The following FHAD1 variants were observed in gnomAD, a reference collection of about 807,000 sequenced individuals.
The protein encoded by FHAD1 is forkhead-associated domain-containing protein 1.
A neutral mutation model predicts 191.3 loss-of-function variants in FHAD1; 146 were observed. The observed-to-expected ratio is 0.76, with a 90% CI of 0.67 to 0.88. The LOEUF (loss-of-function observed/expected upper bound fraction) is 0.88, where lower values mean the gene tolerates loss of function less well. FHAD1 is among the 40% of genes least tolerant of loss of function. FHAD1 has a pLI of 0.00. For synonymous variants in FHAD1, 616 were observed against 672.3 expected (o/e 0.92, Z 1.29); for missense variants, 1,635 against 1,785.8 (o/e 0.92, Z 1.52).
At chr1:15,251,708 ATGT>A in intron 1 of FHAD1, 60 bp from the exon 2 acceptor site, 2 of 1,235,372 alleles carry the variant, frequency 1.6e-6, no homozygotes, top group South Asian at 1.4e-5. Flanking sequence ...TTTAAGTATG[ATGT>A]TGTTGAATAA....
At chr1:15,248,517 A>C (rs182407219) in intron 1 of FHAD1, among the ~76,000 whole-genome samples, 18 of 150,490 alleles carry the variant, frequency 1.2e-4, no homozygotes, top group African/African-American at 3.7e-4. Flanking sequence ...AGCTCAGGAA[A>C]CTCCAGTCTT....
Position 15,345,594 on chromosome 1 carries a change from G to A in FHAD1, c.2346+71G>A, listed in dbSNP as rs999711323. 45 of 1,198,778 alleles carry A rather than the reference G, an allele frequency of 3.8e-5. No homozygotes were observed. In the African/African-American group the frequency reaches 5.6e-4, roughly 15 times the overall value. 74.3% of individuals were successfully genotyped at this position (1,198,778 alleles called of 1,614,324 possible). ...GGCCATGTGGAAGGAAGTTCAGAGC[G>A]GCGATGATGGGGGTGAGATCGTGGT... On this transcript the variant is annotated intron_variant, in intron 18 of 33. Transcript: ENST00000688493.
intron 2 of FHAD1, among the ~76,000 whole-genome samples, chr1:15,262,091 A>G (rs1293101180): frequency 1.3e-5 from 2 of 152,142 alleles, no homozygotes; most frequent in South Asian, 2.1e-4. Flanking sequence ...GCCAAATAGT[A>G]TCTTTTGTCA....
At chr1:15,322,498 T>C (rs906463285) in intron 10 of FHAD1, among the ~76,000 whole-genome samples, 7 of 152,212 alleles carry the variant, frequency 4.6e-5, no homozygotes, top group Non-Finnish European at 5.9e-5. Context: ...AAAGCCAAGA[T>C]TGGGGGAAGC....
At chr1:15,361,430 T>C (rs1694774806) in intron 22 of FHAD1, among the ~76,000 whole-genome samples, 1 of 151,824 alleles carries the variant, frequency 6.6e-6, no homozygotes, top group Non-Finnish European at 1.5e-5. Flanking sequence ...TAGAGGCAAA[T>C]TCACTCCTGC....
intron 3 of FHAD1, 78 bp downstream of exon 3, chr1:15,272,607 G>A (rs1208922122): frequency 7.5e-7 from 1 of 1,328,326 alleles, no homozygotes; most frequent in Non-Finnish European, 1.0e-6. Flanking sequence ...CTGCAGGGTG[G>A]CGCTTATCCA....
At chr1:15,293,577 G>C (rs963245213) in intron 4 of FHAD1, among the ~76,000 whole-genome samples, 21 of 152,262 alleles carry the variant, frequency 1.4e-4, no homozygotes, top group Middle Eastern at 3.4e-3. Context: ...AATTAGCTGG[G>C]TGTGGTGGCA....
chr1:15,402,927 C>T (rs1707157736), downstream of FHAD1: 1 of 152,192 alleles, frequency 6.6e-6, no homozygotes, highest in Non-Finnish European at 1.5e-5. Context: ...TGTCTTATCA[C>T]CACCACTCAA....
chr1:15,360,136 A>C (rs1445439438), intron 21 of FHAD1, among the ~76,000 whole-genome samples: 1 of 152,064 alleles, frequency 6.6e-6, no homozygotes, highest in Non-Finnish European at 1.5e-5. Flanking sequence ...ACAACAACAA[A>C]AAGTTTACAT....
At chr1:15,299,840 A>G (rs1268387447) in intron 5 of FHAD1, among the ~76,000 whole-genome samples, 1 of 152,246 alleles carries the variant, frequency 6.6e-6, no homozygotes, top group Non-Finnish European at 1.5e-5. Context: ...GGGCTGCCCC[A>G]GAGCATGGAC....
chr1:15,348,338 C>G (rs1437544711), intron 18 of FHAD1, among the ~76,000 whole-genome samples: 1 of 152,184 alleles, frequency 6.6e-6, no homozygotes, highest in Non-Finnish European at 1.5e-5. Flanking sequence ...GAAAGACAAG[C>G]CGTTAGAAAA....
Position 15,289,310 on chromosome 1 carries a change from C to A in FHAD1, c.301-89C>A. The stretch of plus-strand genomic sequence containing the variant: ...ACCGGAAGTGACTCATAAACCAAGA[C>A]CTTGGGCAGCAATGCTGTGGCTGGG... On this transcript the variant is annotated intron_variant, in intron 3 of 33. Transcript: ENST00000688493. The surrounding 1 kb of genome is among the most constrained non-coding windows in gnomAD (Gnocchi z 4.2). The A allele has an allele frequency of 6.8e-7, 1 of 1,477,978 alleles. No individual in the cohort carries two copies. Among genetic ancestry groups the A allele is most frequent in the Non-Finnish European group, 9.0e-7 (1 of 1,105,360 alleles). 91.6% of individuals were successfully genotyped at this position (1,477,978 alleles called of 1,614,324 possible).
In FHAD1 at chr1:15,312,930, A is replaced by G. The variant is rs138770176; in HGVS notation, c.1040-127A>G. ...GTGGATATTGGTCTCAACCCCATTC[A>G]AGCTCCTGGGATCCTTGGAGACACC... On this transcript the variant is annotated intron_variant, in intron 7 of 33. Coordinates refer to ENST00000688493, the MANE Select transcript of FHAD1 (RefSeq NM_001391957.1). This position sits in a 1 kb window ranked among gnomAD's most constrained non-coding sequence, Gnocchi z 4.7. 4.0e-5 allele frequency: 48 copies of G among 1,194,068 alleles called. 1 individual carries two copies. The East Asian group carries it at 1.1e-3, about 28-fold the overall frequency. The allele number at this position is 1,194,068 out of a possible 1,614,324, so 74.0% of individuals were successfully genotyped here.
rs902383666 is a variant in FHAD1 at position 15,324,548 on chromosome 1, G to A, written c.1462G>A (p.Ala488Thr). ...ESVIKINLER[A>T]VGQLEHFRSQ... ...CGTCATTAAAATCAATTTGGAGAGG[G>A]CAGTAGGTCAGGTAGGCATGTTCCA... is the stretch of plus-strand genomic sequence containing the variant. The change falls in exon 11 of 34, where the codon GCA becomes ACA. Residue 488 changes from alanine (A) to threonine (T), a missense_variant. Coordinates refer to ENST00000688493, the MANE Select transcript of FHAD1 (RefSeq NM_001391957.1). The A allele has an allele frequency of 1.9e-6, 3 of 1,550,958 alleles. No individual in the cohort carries two copies. Among genetic ancestry groups the A allele is most frequent in the African/African-American group, 2.7e-5 (2 of 72,974 alleles).
At chr1:15,313,837 G>A (rs1235984946) in intron 8 of FHAD1, among the ~76,000 whole-genome samples, 2 of 152,084 alleles carry the variant, frequency 1.3e-5, no homozygotes, top group African/African-American at 4.8e-5. Context: ...TTGGGAGGCC[G>A]AGGCTGGTGG....
At chr1:15,240,478 T>C (rs942652064) in intron 1 of FHAD1, among the ~76,000 whole-genome samples, 2 of 150,732 alleles carry the variant, frequency 1.3e-5, no homozygotes, top group African/African-American at 4.9e-5. Flanking sequence ...AAAATAAAAA[T>C]TAAAAAAATA....
intron 3 of FHAD1, among the ~76,000 whole-genome samples, chr1:15,278,867 T>C (rs931677093): frequency 6.6e-6 from 1 of 152,326 alleles, no homozygotes; most frequent in East Asian, 1.9e-4. Flanking sequence ...CTGATAAATA[T>C]GCTTGACATT....
rs187394493 is a variant in FHAD1, at chr1:15,304,751, G to A, written c.915+3310G>A. On this transcript the variant is annotated intron_variant, in intron 6 of 33. Transcript: ENST00000688493. ...AGCCCATGTCCCTCCATCTTCTAGT[G>A]AGCACCCCTTCTCCAGTGTCTCAGA... 1.7e-3 allele frequency among the ~76,000 whole-genome samples: 260 copies of A among 152,252 alleles called. 1 individual carries two copies. The highest frequency in any genetic ancestry group is 5.9e-3 in the African/African-American group (245 of 41,552).
At position 15,345,558 on chromosome 1, in the gene FHAD1, G is replaced by C. The variant is rs1389579728; in HGVS notation, c.2346+35G>C. 2.0e-6 allele frequency: 3 copies of C among 1,503,092 alleles called. No homozygotes were observed. In the African/African-American group the frequency reaches 4.2e-5, roughly 21 times the overall value. The allele number at this position is 1,503,092 out of a possible 1,614,324, so 93.1% of individuals were successfully genotyped here. On this transcript the variant is annotated intron_variant, in intron 18 of 33. Coordinates refer to ENST00000688493, the MANE Select transcript of FHAD1 (RefSeq NM_001391957.1). ...GGGAGATAGAGTCGGCTGAGCCCCA[G>C]TCGGCTTGAGGGCCATGTGGAAGGA...
Sources: allele counts gnomAD v4.1 joint callset (sites outside exome capture counted in the v4.1 genomes callset), GRCh38; gene constraint gnomAD v4.1.1; non-coding constraint Gnocchi (gnomAD v3.1); transcripts MANE v1.5; gene names NCBI Gene and HGNC (gene_info 2026-07-23, HGNC 2026-07-21).